The following CPQ variants were observed in gnomAD, a reference collection of about 807,000 sequenced individuals.
CPQ encodes carboxypeptidase Q, also known as Ser-Met dipeptidase.
In CPQ, 37 loss-of-function variants were observed where a neutral mutation model predicts 45.7. The ratio of observed to expected loss-of-function variants is 0.81; its 90% CI spans 0.62 to 1.07. CPQ has a LOEUF of 1.07. CPQ is among the 50% of genes least tolerant of loss of function. The probability of loss-of-function intolerance (pLI) is 0.00; values close to 1 mark genes in which losing one functional copy is unlikely to be tolerated. For missense variants in CPQ, 537 were observed against 572.9 expected, an observed-to-expected ratio of 0.94 and a Z score of 0.64; for synonymous variants, 186 against 205.8, an observed-to-expected ratio of 0.90 and a Z score of 0.82.
intron 1 of CPQ, among the ~76,000 whole-genome samples, chr8:96,697,422 T>A (rs1655986092): frequency 6.6e-6 from 1 of 152,176 alleles, no homozygotes; most frequent in Non-Finnish European, 1.5e-5. Flanking sequence ...ATCTTACTGA[T>A]GAGGAAAATC....
At chr8:96,665,214 A>T (rs1808904079) in intron 1 of CPQ, among the ~76,000 whole-genome samples, 1 of 152,334 alleles carries the variant, frequency 6.6e-6, no homozygotes, top group East Asian at 1.9e-4. Flanking sequence ...AAAGCAAGGG[A>T]GAAAAAGCAA....
At chr8:96,926,470 C>T (rs1413032466) in intron 4 of CPQ, among the ~76,000 whole-genome samples, 1 of 152,040 alleles carries the variant, frequency 6.6e-6, no homozygotes, top group Non-Finnish European at 1.5e-5. Context: ...CACTGGGCTA[C>T]CTCATTGAAA....
At chr8:96,725,916 T>A (rs1325106594) in intron 1 of CPQ, among the ~76,000 whole-genome samples, 2 of 152,046 alleles carry the variant, frequency 1.3e-5, no homozygotes. Flanking sequence ...AAAAAATAAA[T>A]AATGAAATTG....
At chr8:96,928,035 A>G (rs1255558426) in intron 4 of CPQ, among the ~76,000 whole-genome samples, 2 of 152,204 alleles carry the variant, frequency 1.3e-5, no homozygotes, top group East Asian at 3.9e-4. Context: ...AAGCACTGAA[A>G]ATATGCAGGG....
chr8:96,720,484 T>A (rs1809747825), intron 1 of CPQ, among the ~76,000 whole-genome samples: 1 of 152,200 alleles, frequency 6.6e-6, no homozygotes, highest in Non-Finnish European at 1.5e-5. Context: ...GGTTTTATGC[T>A]TTGCTGGAAT....
At chr8:96,998,390 A>G (rs191876108) in intron 5 of CPQ, among the ~76,000 whole-genome samples, 379 of 152,044 alleles carry the variant, frequency 2.5e-3, no homozygotes, top group Middle Eastern at 0.01. Context: ...GGGAGACTTT[A>G]TAAATTGGAT....
chr8:96,873,317 C>CA (rs1563517962), intron 3 of CPQ, among the ~76,000 whole-genome samples: 1 of 147,922 alleles, frequency 6.8e-6, no homozygotes, highest in African/African-American at 2.5e-5. Context: ...TTTTCCTTCT[C>CA]TTTTTTTTTT....
chr8:96,733,977 C>T (rs150994228), intron 1 of CPQ, among the ~76,000 whole-genome samples: 1 of 152,288 alleles, frequency 6.6e-6, no homozygotes, highest in East Asian at 1.9e-4. Context: ...ATATGCTTCT[C>T]TGCTAGTGTT....
intron 7 of CPQ, among the ~76,000 whole-genome samples, chr8:97,086,897 G>A (rs770190571): frequency 3.9e-5 from 6 of 152,090 alleles, no homozygotes; most frequent in Non-Finnish European, 7.4e-5. Context: ...CTCTGCCATG[G>A]GAAGAGCCCA....
At chr8:96,830,426 C>T (rs1448987997) in intron 2 of CPQ, among the ~76,000 whole-genome samples, 2 of 152,052 alleles carry the variant, frequency 1.3e-5, no homozygotes, top group Non-Finnish European at 2.9e-5. Flanking sequence ...CAGCAGTCAG[C>T]AGCTGTTGTC....
chr8:96,792,370 C>A (rs112447126), intron 2 of CPQ, among the ~76,000 whole-genome samples: 2 of 152,196 alleles, frequency 1.3e-5, no homozygotes, highest in Non-Finnish European at 2.9e-5. Context: ...GCAGACTATG[C>A]GGTTCTTTCC....
chr8:96,909,951 G>T (rs1300331250), intron 4 of CPQ, among the ~76,000 whole-genome samples: 1 of 152,136 alleles, frequency 6.6e-6, no homozygotes, highest in African/African-American at 2.4e-5. Flanking sequence ...CCTTTCCTTT[G>T]TGTAGTGCTC....
At chr8:96,973,991 A>G (rs1813728530) in intron 5 of CPQ, among the ~76,000 whole-genome samples, 2 of 152,362 alleles carry the variant, frequency 1.3e-5, no homozygotes, top group Non-Finnish European at 2.9e-5. Flanking sequence ...AACAAATAGC[A>G]TGATGAATAA....
At chr8:96,793,192 T>C (rs1256786579) in intron 2 of CPQ, among the ~76,000 whole-genome samples, 3 of 152,178 alleles carry the variant, frequency 2.0e-5, no homozygotes, top group Non-Finnish European at 4.4e-5. Context: ...ATAGAAAGCA[T>C]GTACATAAAT....
At chr8:96,698,762 A>G (rs1443597481) in intron 1 of CPQ, among the ~76,000 whole-genome samples, 2 of 152,214 alleles carry the variant, frequency 1.3e-5, no homozygotes, top group African/African-American at 2.4e-5. Flanking sequence ...ACAATATGCA[A>G]ATAAAAACTA....
At chr8:96,674,343 TA>T (rs1395413416) in intron 1 of CPQ, among the ~76,000 whole-genome samples, 1 of 152,198 alleles carries the variant, frequency 6.6e-6, no homozygotes, top group Admixed American at 6.6e-5. Flanking sequence ...TACGCTCATT[TA>T]CATCTCATTA....
At chr8:96,735,710 A>G (rs998828699) in intron 1 of CPQ, among the ~76,000 whole-genome samples, 2 of 152,148 alleles carry the variant, frequency 1.3e-5, no homozygotes, top group Non-Finnish European at 1.5e-5. Flanking sequence ...CCACTTCCAT[A>G]GACCCATCTG....
chr8:96,931,056 C>T (rs1812968485), intron 4 of CPQ, among the ~76,000 whole-genome samples: 1 of 152,178 alleles, frequency 6.6e-6, no homozygotes, highest in Non-Finnish European at 1.5e-5. Flanking sequence ...CTGAAGGCCA[C>T]ATTGACCTTC....
chr8:97,034,492 A>G (rs530688096), intron 6 of CPQ, among the ~76,000 whole-genome samples: 2 of 152,326 alleles, frequency 1.3e-5, no homozygotes, highest in South Asian at 4.1e-4. Context: ...TATGGACAGT[A>G]TATTGTTTGT....
Sources: allele counts gnomAD v4.1 joint callset (sites outside exome capture counted in the v4.1 genomes callset), GRCh38; gene constraint gnomAD v4.1.1; transcripts MANE v1.5; gene names NCBI Gene and HGNC (gene_info 2026-07-23, HGNC 2026-07-21).